Variants in MSRA observed in about 807,000 individuals in gnomAD.
The protein encoded by MSRA is mitochondrial peptide methionine sulfoxide reductase.
Under a neutral mutation model 31.3 loss-of-function variants are expected in MSRA, and 54 were observed. The ratio of observed to expected loss-of-function variants is 1.73; its 90% confidence interval spans 1.39 to 2.17. The LOEUF (loss-of-function observed/expected upper bound fraction) is 2.17, where lower values mean the gene tolerates loss of function less well. Among genes scored for constraint, MSRA ranks in the 30% most tolerant of loss-of-function variants. The pLI is 0.00. For missense variants in MSRA, 507 were observed against 300.9 expected (o/e 1.69, Z -5.07); for synonymous variants, 169 against 116.5 (o/e 1.45, Z -2.90).
At chr8:10,356,305 G>C (rs1310377640) in intron 5 of MSRA, among the ~76,000 whole-genome samples, 1 of 152,236 alleles carries the variant, frequency 6.6e-6, no homozygotes, top group East Asian at 1.9e-4. Context: ...AAAAAAGACA[G>C]ATACAGAAAG....
intron 5 of MSRA, among the ~76,000 whole-genome samples, chr8:10,349,774 T>A (rs1279939196): frequency 9.2e-5 from 14 of 152,252 alleles, no homozygotes; most frequent in Admixed American, 9.2e-4. Flanking sequence ...AACGGCCATC[T>A]CCCCGTTGCT....
chr8:10,097,290 A>G (rs1217600742), intron 1 of MSRA, among the ~76,000 whole-genome samples: 2 of 152,162 alleles, frequency 1.3e-5, no homozygotes, highest in African/African-American at 2.4e-5. Flanking sequence ...ATCACTTAAC[A>G]TTTATGTGTG....
At chr8:10,078,572 G>T (rs946481290) in intron 1 of MSRA, among the ~76,000 whole-genome samples, 1 of 152,236 alleles carries the variant, frequency 6.6e-6, no homozygotes, top group Non-Finnish European at 1.5e-5. Context: ...TTCCAGAGAT[G>T]GGAGCTGTAA....
chr8:10,096,901 T>C (rs910239320), intron 1 of MSRA, among the ~76,000 whole-genome samples: 1 of 152,202 alleles, frequency 6.6e-6, no homozygotes, highest in Non-Finnish European at 1.5e-5. Flanking sequence ...CCTATAATCA[T>C]GTATTTTCTT....
chr8:10,204,354 A>G (rs574161099), intron 1 of MSRA, among the ~76,000 whole-genome samples: 8 of 152,332 alleles, frequency 5.3e-5, no homozygotes, highest in African/African-American at 1.9e-4. Context: ...CCACTCATTG[A>G]CTTACCCAGA....
intron 4 of MSRA, among the ~76,000 whole-genome samples, chr8:10,302,651 G>C (rs140746543): frequency 1.3e-5 from 2 of 152,246 alleles, no homozygotes; most frequent in African/African-American, 4.8e-5. Context: ...GGTCAGAGAT[G>C]AGGCAAGAGC....
At chr8:10,294,140 C>T (rs1585389756) in intron 3 of MSRA, among the ~76,000 whole-genome samples, 1 of 152,058 alleles carries the variant, frequency 6.6e-6, no homozygotes, top group African/African-American at 2.4e-5. Context: ...GGTGGAGGTT[C>T]CAGTGAACCG....
intron 5 of MSRA, among the ~76,000 whole-genome samples, chr8:10,389,790 C>CTTTTTT (rs55769720): frequency 1.1e-4 from 13 of 123,378 alleles, no homozygotes; most frequent in Non-Finnish European, 1.8e-4. Context: ...GAAACTTACT[C>CTTTTTT]TTTTTTTTTT....
chr8:10,392,400 G>A (rs780806749), intron 5 of MSRA, among the ~76,000 whole-genome samples: 5 of 152,152 alleles, frequency 3.3e-5, no homozygotes, highest in Non-Finnish European at 7.4e-5. Context: ...TCCCTGAGCC[G>A]ACGTGGCTGG....
chr8:10,100,045 C>T (rs540750883), intron 1 of MSRA, among the ~76,000 whole-genome samples: 1 of 152,104 alleles, frequency 6.6e-6, no homozygotes, highest in African/African-American at 2.4e-5. Context: ...AGGGCGCTGC[C>T]CAGCAAGCAG....
At chr8:10,377,048 A>G (rs1056375667) in intron 5 of MSRA, among the ~76,000 whole-genome samples, 1 of 152,240 alleles carries the variant, frequency 6.6e-6, no homozygotes, top group Non-Finnish European at 1.5e-5. Context: ...CAGGTTCCTC[A>G]TCTGAGAAAT....
intron 5 of MSRA, among the ~76,000 whole-genome samples, chr8:10,332,892 T>A (rs1309767939): frequency 6.6e-6 from 1 of 152,250 alleles, no homozygotes; most frequent in Non-Finnish European, 1.5e-5. Flanking sequence ...TTTGTATGAC[T>A]GCCCTCTGCT....
At chr8:10,256,416 G>A (rs1798183130) in intron 3 of MSRA, among the ~76,000 whole-genome samples, 1 of 152,146 alleles carries the variant, frequency 6.6e-6, no homozygotes. Context: ...AATTACGGAT[G>A]AAGCTGCTGT....
At chr8:10,365,216 C>G (rs1014144969) in intron 5 of MSRA, among the ~76,000 whole-genome samples, 1 of 150,782 alleles carries the variant, frequency 6.6e-6, no homozygotes, top group Non-Finnish European at 1.5e-5. Flanking sequence ...TTTTTCCCCT[C>G]TGAGCTCAGA....
intron 3 of MSRA, among the ~76,000 whole-genome samples, chr8:10,299,970 G>C (rs1435444116): frequency 1.3e-5 from 2 of 152,210 alleles, no homozygotes; most frequent in Non-Finnish European, 2.9e-5. Context: ...CCAATGACAA[G>C]GAATGATTGA....
At chr8:10,273,785 G>C (rs908562898) in intron 3 of MSRA, among the ~76,000 whole-genome samples, 10 of 151,950 alleles carry the variant, frequency 6.6e-5, no homozygotes, top group African/African-American at 2.4e-4. Context: ...CTACTTTTCA[G>C]GCAACACAAA....
At chr8:10,072,927 G>C (rs1177449885) in intron 1 of MSRA, among the ~76,000 whole-genome samples, 2 of 152,166 alleles carry the variant, frequency 1.3e-5, no homozygotes, top group Non-Finnish European at 2.9e-5. Flanking sequence ...TAAAAATGCA[G>C]TTGATTTTGG....
chr8:10,141,941 T>G (rs1175964857), intron 1 of MSRA, among the ~76,000 whole-genome samples: 1 of 152,154 alleles, frequency 6.6e-6, no homozygotes, highest in African/African-American at 2.4e-5. Flanking sequence ...ATCAGTACTC[T>G]CCCAATTTTC....
intron 1 of MSRA, among the ~76,000 whole-genome samples, chr8:10,204,484 C>CA (rs1470571831): frequency 6.6e-6 from 1 of 152,076 alleles, no homozygotes; most frequent in Non-Finnish European, 1.5e-5. Flanking sequence ...ATATCTAGAT[C>CA]ACAAATACTT....
Sources: allele counts gnomAD v4.1 joint callset (sites outside exome capture counted in the v4.1 genomes callset), GRCh38; gene constraint gnomAD v4.1.1; transcripts MANE v1.5; gene names NCBI Gene and HGNC (gene_info 2026-07-23, HGNC 2026-07-21).